The following EHD4 variants were observed in gnomAD, a reference collection of about 807,000 sequenced individuals.
The protein encoded by EHD4 is EH domain containing 4.
Under a neutral mutation model 51.0 loss-of-function variants are expected in EHD4, and 37 were observed. The ratio of observed to expected loss-of-function variants is 0.73; its 90% CI spans 0.56 to 0.95. The LOEUF is 0.95. Among genes scored for constraint, EHD4 ranks in the 40% least tolerant of loss-of-function variants. The pLI is 0.00. For missense variants in EHD4, 632 were observed against 733.1 expected, an observed-to-expected ratio of 0.86 and a Z score of 1.59; for synonymous variants, 297 against 317.3, an observed-to-expected ratio of 0.94 and a Z score of 0.68.
At chr15:41,970,689 G>A (rs1260305778) in intron 1 of EHD4, among the ~76,000 whole-genome samples, 2 of 152,176 alleles carry the variant, frequency 1.3e-5, no homozygotes, top group African/African-American at 4.8e-5. Context: ...ATGACACCTG[G>A]GCACAACAAG....
intron 1 of EHD4, among the ~76,000 whole-genome samples, chr15:41,963,514 C>A (rs929680950): frequency 6.6e-6 from 1 of 150,594 alleles, no homozygotes; most frequent in African/African-American, 2.4e-5. Context: ...GCACAAGAAC[C>A]GCTTGAACTG....
chr15:41,912,523 T>C (rs2067557399), intron 4 of EHD4, among the ~76,000 whole-genome samples: 1 of 152,018 alleles, frequency 6.6e-6, no homozygotes, highest in African/African-American at 2.4e-5. Context: ...GGTGAAACCC[T>C]GTCTCTACTA....
At chr15:41,937,796 C>A (rs2067742228) in intron 3 of EHD4, among the ~76,000 whole-genome samples, 1 of 152,152 alleles carries the variant, frequency 6.6e-6, no homozygotes, top group Middle Eastern at 3.2e-3. Context: ...TTTTTCTGCA[C>A]CCCTCTTAGT....
At chr15:41,906,558 C>T (rs569375754) in intron 5 of EHD4, among the ~76,000 whole-genome samples, 1 of 152,342 alleles carries the variant, frequency 6.6e-6, no homozygotes, top group East Asian at 1.9e-4. Flanking sequence ...TGGCCCTCTG[C>T]CCTCACCATT....
At chr15:41,962,497 C>G (rs1232191158) in intron 1 of EHD4, among the ~76,000 whole-genome samples, 1 of 126,186 alleles carries the variant, frequency 7.9e-6, no homozygotes, top group East Asian at 2.2e-4. Context: ...CATGTGACAG[C>G]AGAAAAAGGT....
Position 41,919,549 on chromosome 15 carries a change from G to A in EHD4, c.585C>T (p.His195=). The change falls in exon 4 of 6, where the codon CAC becomes CAT. Residue 195 remains histidine (H), a synonymous_variant. Coordinates refer to ENST00000220325, the MANE Select transcript of EHD4 (RefSeq NM_139265.4). ...VDRIILLFDA[H]KLDISDEFSE... ...AGAATTCATCTGAGATGTCCAGCTT[G>A]TGAGCGTCAAAGAGCAGGATGATCC... 1 of 1,531,270 alleles carries A rather than the reference G, an allele frequency of 6.5e-7. No individual in the cohort carries two copies. Among genetic ancestry groups the A allele is most frequent in the East Asian group, 2.3e-5 (1 of 44,322 alleles). The allele number at this position is 1,531,270 out of a possible 1,614,324, so 94.9% of individuals were successfully genotyped here.
intron 2 of EHD4, among the ~76,000 whole-genome samples, chr15:41,952,996 C>T (rs1371053885): frequency 1.6e-4 from 13 of 81,202 alleles, no homozygotes; most frequent in East Asian, 3.1e-4. Flanking sequence ...TCTTCCCCCC[C>T]GCAAAAAAAA....
intron 2 of EHD4, among the ~76,000 whole-genome samples, chr15:41,949,147 A>C (rs1190892334): frequency 1.3e-5 from 2 of 150,798 alleles, no homozygotes; most frequent in African/African-American, 4.9e-5. Flanking sequence ...AGGCAGGTGG[A>C]TCACCTGAGG....
chr15:41,954,025 T>A, intron 1 of EHD4, 85 bp from the exon 2 acceptor site: 7 of 1,421,662 alleles, frequency 4.9e-6, no homozygotes, highest in Non-Finnish European at 6.8e-6. Flanking sequence ...CCAATTTTTT[T>A]ACATAATCAT....
intron 1 of EHD4, among the ~76,000 whole-genome samples, chr15:41,955,469 A>G (rs978941962): frequency 6.6e-6 from 1 of 151,854 alleles, no homozygotes; most frequent in Admixed American, 6.6e-5. Flanking sequence ...GAGGACCCCC[A>G]TTTCCTCTCA....
intron 1 of EHD4, among the ~76,000 whole-genome samples, chr15:41,962,999 C>T (rs957624150): frequency 6.6e-6 from 1 of 152,194 alleles, no homozygotes; most frequent in African/African-American, 2.4e-5. Flanking sequence ...TTACCCCCAA[C>T]CCCGTGCTCT....
intron 3 of EHD4, among the ~76,000 whole-genome samples, chr15:41,934,797 G>A (rs1012844022): frequency 2.0e-5 from 3 of 152,186 alleles, no homozygotes; most frequent in Non-Finnish European, 2.9e-5. Flanking sequence ...GCAATTGCAC[G>A]GCCGAAGGAA....
At chr15:41,913,135 C>A (rs1310660422) in intron 4 of EHD4, among the ~76,000 whole-genome samples, 1 of 152,192 alleles carries the variant, frequency 6.6e-6, no homozygotes, top group Non-Finnish European at 1.5e-5. Flanking sequence ...CGTCGGGACA[C>A]CACGTGGGAA....
chr15:41,946,935 A>G (rs1788604305), intron 2 of EHD4, among the ~76,000 whole-genome samples: 1 of 152,182 alleles, frequency 6.6e-6, no homozygotes, highest in African/African-American at 2.4e-5. Flanking sequence ...AATAGCACAA[A>G]CATTTCCTCA....
intron 3 of EHD4, among the ~76,000 whole-genome samples, chr15:41,925,434 A>G (rs1278842048): frequency 2.6e-5 from 4 of 152,228 alleles, no homozygotes; most frequent in Non-Finnish European, 5.9e-5. Flanking sequence ...GGTTTCAGCT[A>G]GGCACAATGC....
chr15:41,966,026 C>A (rs1433043503), intron 1 of EHD4, among the ~76,000 whole-genome samples: 1 of 151,006 alleles, frequency 6.6e-6, no homozygotes, highest in Non-Finnish European at 1.5e-5. Flanking sequence ...ACTTTTGCTC[C>A]AAGTCTTGCC....
rs1235899510 is a variant in EHD4 at position 41,942,813 on chromosome 15, C to T, written c.511+254G>A. On this transcript the variant is annotated intron_variant, in intron 3 of 5. Transcript: ENST00000220325. Reference sequence around the variant, plus strand: ...AGGTCCCCTCACACCTCGATACCTCCCATTGTTTACCCCACTCCTCATCTT... The same window carrying T: ...AGGTCCCCTCACACCTCGATACCTCTCATTGTTTACCCCACTCCTCATCTT... 3.0e-5 allele frequency: 12 copies of T among 393,746 alleles called. No homozygotes were observed. In the East Asian group the frequency reaches 5.7e-4, roughly 19 times the overall value. 24.4% of individuals were successfully genotyped at this position (393,746 alleles called of 1,614,324 possible).
At chr15:41,968,183 G>T (rs2067972950) in intron 1 of EHD4, among the ~76,000 whole-genome samples, 1 of 152,072 alleles carries the variant, frequency 6.6e-6, no homozygotes. Context: ...CCAGCTTCTT[G>T]ATCCTTCATA....
At position 41,919,489 on chromosome 15, in the gene EHD4, G is replaced by A; in HGVS notation, c.645C>T (p.Asp215=). ...CCTTGTTCAGCACGACACGGATCTT[G>A]TCGTCCTGGCCCCGGAAGGCCTTGA... ...EAIKAFRGQD[D]KIRVVLNKAD... is the part of the protein sequence containing the mutation. The change falls in exon 4 of 6, where the codon GAC becomes GAT. Residue 215 remains aspartate (D), a synonymous_variant. Coordinates refer to ENST00000220325, the MANE Select transcript of EHD4 (RefSeq NM_139265.4). 1 of 1,557,740 alleles carries A rather than the reference G, an allele frequency of 6.4e-7. No homozygotes were observed. The highest frequency in any genetic ancestry group is 8.7e-7 in the Non-Finnish European group (1 of 1,154,092).
Sources: allele counts gnomAD v4.1 joint callset (sites outside exome capture counted in the v4.1 genomes callset), GRCh38; gene constraint gnomAD v4.1.1; transcripts MANE v1.5; gene names NCBI Gene and HGNC (gene_info 2026-07-23, HGNC 2026-07-21).